Variants in TNFSF4 observed in about 807,000 individuals in gnomAD.
The protein encoded by TNFSF4 is tumor necrosis factor ligand superfamily member 4.
TNFSF4 carries 4 observed loss-of-function variants against 7.3 expected under a neutral mutation model. The observed-to-expected ratio is 0.55, with a 90% CI of 0.27 to 1.25. TNFSF4 has a LOEUF of 1.25. TNFSF4 is among the 50% of genes most tolerant of loss of function. TNFSF4 has a pLI of 0.12. For missense variants in TNFSF4, 181 were observed against 208.8 expected, an observed-to-expected ratio of 0.87 and a Z score of 0.82; for synonymous variants, 76 against 83.7, an observed-to-expected ratio of 0.91 and a Z score of 0.50.
At chr1:173,393,659 G>A in the TNFSF4 span, among the ~76,000 whole-genome samples, 1 of 152,198 alleles carries the variant, frequency 6.6e-6, no homozygotes, top group Non-Finnish European at 1.5e-5. Flanking sequence ...ATCCAAAGAA[G>A]ATAAAAAATG....
the TNFSF4 span, among the ~76,000 whole-genome samples, chr1:173,422,125 T>G: frequency 2.6e-5 from 4 of 152,014 alleles, no homozygotes; most frequent in African/African-American, 9.7e-5. Flanking sequence ...TTAAAGGAGT[T>G]TAAACATGCA....
At chr1:173,281,085 G>A in the TNFSF4 span, among the ~76,000 whole-genome samples, 1 of 152,112 alleles carries the variant, frequency 6.6e-6, no homozygotes, top group African/African-American at 2.4e-5. Flanking sequence ...CAATCCTGTT[G>A]TGGTTCATAA....
intron 1 of TNFSF4, among the ~76,000 whole-genome samples, chr1:173,192,704 T>C (rs1366262994): frequency 6.6e-6 from 1 of 152,170 alleles, no homozygotes; most frequent in Admixed American, 6.5e-5. Context: ...TAAAAAACAC[T>C]CTATTGACTG....
the TNFSF4 span, among the ~76,000 whole-genome samples, chr1:173,411,779 C>A: frequency 2.5e-4 from 36 of 146,198 alleles, no homozygotes; most frequent in Non-Finnish European, 4.4e-4. Flanking sequence ...TCCAGCCTGG[C>A]CAAAGAGTGA....
chr1:173,248,156 C>A, the TNFSF4 span, among the ~76,000 whole-genome samples: 4 of 152,024 alleles, frequency 2.6e-5, no homozygotes, highest in Non-Finnish European at 5.9e-5. Context: ...GAGATTGAGA[C>A]CATCCTGGCT....
At chr1:173,212,899 A>G in the TNFSF4 span, among the ~76,000 whole-genome samples, 17 of 141,550 alleles carry the variant, frequency 1.2e-4, 1 homozygote, top group South Asian at 1.7e-3. Flanking sequence ...AATATACATA[A>G]ATAAATAAAT....
the TNFSF4 span, among the ~76,000 whole-genome samples, chr1:173,327,489 C>T: frequency 6.6e-6 from 1 of 150,906 alleles, no homozygotes; most frequent in African/African-American, 2.4e-5. Context: ...CAACAAAAGC[C>T]AAAATTGACA....
chr1:173,359,510 T>TAAAAAAAAAAAAAAAA, the TNFSF4 span, among the ~76,000 whole-genome samples: 1 of 122,748 alleles, frequency 8.1e-6, no homozygotes, highest in African/African-American at 3.2e-5. Context: ...TTACCAGCTG[T>TAAAAAAAAAAAAAAAA]AAAAAAAAAA....
the TNFSF4 span, among the ~76,000 whole-genome samples, chr1:173,290,367 T>C: frequency 6.6e-6 from 1 of 152,108 alleles, no homozygotes; most frequent in Non-Finnish European, 1.5e-5. Flanking sequence ...GTAACGCTCA[T>C]AGGCTTAAAG....
At chr1:173,310,860 G>T in the TNFSF4 span, among the ~76,000 whole-genome samples, 1 of 151,710 alleles carries the variant, frequency 6.6e-6, no homozygotes, top group South Asian at 2.1e-4. Flanking sequence ...AACTTATTGA[G>T]CCTGCCTCTT....
chr1:173,303,725 T>C, the TNFSF4 span, among the ~76,000 whole-genome samples: 1 of 151,980 alleles, frequency 6.6e-6, no homozygotes, highest in Non-Finnish European at 1.5e-5. Flanking sequence ...AACAACTTGA[T>C]ATAGAGCCTT....
chr1:173,268,127 G>A, the TNFSF4 span, among the ~76,000 whole-genome samples: 2 of 151,968 alleles, frequency 1.3e-5, no homozygotes, highest in Non-Finnish European at 2.9e-5. Context: ...AAGAGAATTT[G>A]TTTCTAGTAG....
chr1:173,375,735 T>C, the TNFSF4 span, among the ~76,000 whole-genome samples: 3 of 151,950 alleles, frequency 2.0e-5, no homozygotes, highest in African/African-American at 7.3e-5. Context: ...AAATAGAACA[T>C]GCGAGGGGAC....
chr1:173,405,946 C>A, the TNFSF4 span, among the ~76,000 whole-genome samples: 2 of 152,214 alleles, frequency 1.3e-5, no homozygotes, highest in African/African-American at 4.8e-5. Context: ...CTCATCTCAA[C>A]AGGACAGAAA....
the TNFSF4 span, among the ~76,000 whole-genome samples, chr1:173,424,439 T>C: frequency 6.6e-6 from 1 of 152,240 alleles, no homozygotes; most frequent in East Asian, 1.9e-4. Context: ...TACTAGTGCT[T>C]ATCACTTCAA....
At chr1:173,351,655 T>C in the TNFSF4 span, 2 of 264,804 alleles carry the variant, frequency 7.6e-6, no homozygotes, top group Non-Finnish European at 1.4e-5. Context: ...GCTAAGGCCA[T>C]GTTAAGAGGG....
the TNFSF4 span, among the ~76,000 whole-genome samples, chr1:173,432,804 G>A: frequency 2.4e-4 from 37 of 151,758 alleles, no homozygotes; most frequent in Admixed American, 7.9e-4. Context: ...ATGTAAAAAC[G>A]ACAGCAATTT....
At chr1:173,190,030 T>A (rs945810459) in intron 1 of TNFSF4, among the ~76,000 whole-genome samples, 12 of 146,514 alleles carry the variant, frequency 8.2e-5, no homozygotes, top group Non-Finnish European at 1.3e-4. Context: ...GCCAACATGG[T>A]GAAACCCCAT....
At chr1:173,260,453 C>T in the TNFSF4 span, among the ~76,000 whole-genome samples, 1 of 152,116 alleles carries the variant, frequency 6.6e-6, no homozygotes, top group African/African-American at 2.4e-5. Flanking sequence ...AAATAACCAG[C>T]TAGCATCATG....
Sources: gnomAD v4.1 joint callset for allele counts (sites outside exome capture counted in the v4.1 genomes callset) on GRCh38, gnomAD v4.1.1 for gene constraint, MANE v1.5 for transcripts, NCBI Gene and HGNC (gene_info 2026-07-23, HGNC 2026-07-21) for gene names.